Variants in VPS13B observed in about 807,000 individuals in gnomAD.
The protein encoded by VPS13B is vacuolar protein sorting 13 homolog B.
VPS13B carries 285 observed loss-of-function variants against 426.4 expected under a neutral mutation model. That is an observed-to-expected ratio of 0.67 (90% CI 0.61 to 0.74). VPS13B has a LOEUF of 0.74. Among genes scored for constraint, VPS13B ranks in the 30% least tolerant of loss-of-function variants. The probability of loss-of-function intolerance (pLI) is 0.00; values close to 1 mark genes in which losing one functional copy is unlikely to be tolerated. For synonymous variants in VPS13B, 1,676 were observed against 1,676.4 expected, an observed-to-expected ratio of 1.00 and a Z score of 0.01; for missense variants, 4,537 against 4,782.6, an observed-to-expected ratio of 0.95 and a Z score of 1.51.
At chr8:99,327,457 C>G (rs1384420612) in intron 19 of VPS13B, among the ~76,000 whole-genome samples, 2 of 152,080 alleles carry the variant, frequency 1.3e-5, no homozygotes, top group African/African-American at 4.8e-5. Flanking sequence ...AGAGCACAGT[C>G]AAGATTAATC....
At chr8:99,324,125 A>T (rs1473708400) in intron 19 of VPS13B, among the ~76,000 whole-genome samples, 1 of 152,186 alleles carries the variant, frequency 6.6e-6, no homozygotes, top group East Asian at 1.9e-4. Flanking sequence ...GCAGTAGGAG[A>T]TCGTTAAAAC....
At chr8:99,665,139 T>C (rs1257132734) in intron 35 of VPS13B, among the ~76,000 whole-genome samples, 1 of 152,240 alleles carries the variant, frequency 6.6e-6, no homozygotes, top group Non-Finnish European at 1.5e-5. Context: ...TCTGTTCATA[T>C]CCTTCGCCCA....
intron 33 of VPS13B, among the ~76,000 whole-genome samples, chr8:99,640,049 GAGAAAAGAAA>G (rs563436577): frequency 0.014 from 1,388 of 99,422 alleles, 17 homozygotes; most frequent in African/African-American, 0.021. Context: ...AGAAGAAGAA[GAGAAAAGAAA>G]AGAAAAGAAA....
intron 5 of VPS13B, among the ~76,000 whole-genome samples, chr8:99,108,455 A>G (rs891512881): frequency 6.6e-6 from 1 of 152,110 alleles, no homozygotes; most frequent in African/African-American, 2.4e-5. Flanking sequence ...ATTTTTTTAA[A>G]TAGTGAGAGA....
chr8:99,476,620 G>A (rs1302717216), intron 24 of VPS13B, among the ~76,000 whole-genome samples: 3 of 152,014 alleles, frequency 2.0e-5, no homozygotes, highest in Admixed American at 2.0e-4. Flanking sequence ...ACCAAGATTT[G>A]ATTAACAGCT....
At chr8:99,506,567 A>T (rs918608520) in intron 27 of VPS13B, among the ~76,000 whole-genome samples, 3 of 152,206 alleles carry the variant, frequency 2.0e-5, no homozygotes, top group Admixed American at 6.5e-5. Flanking sequence ...TGTAGTGTTT[A>T]AGAAAAATAG....
At chr8:99,459,181 A>G (rs878899814) in intron 23 of VPS13B, among the ~76,000 whole-genome samples, 2 of 152,142 alleles carry the variant, frequency 1.3e-5, no homozygotes, top group Non-Finnish European at 2.9e-5. Flanking sequence ...AGGCACTTGA[A>G]CGTGTATTCT....
intron 17 of VPS13B, among the ~76,000 whole-genome samples, chr8:99,227,757 A>G (rs758660361): frequency 6.6e-6 from 1 of 152,098 alleles, no homozygotes; most frequent in African/African-American, 2.4e-5. Flanking sequence ...TGGTTATACT[A>G]TTTCTTTGTA....
At position 99,736,396 on chromosome 8, in the gene VPS13B, A is replaced by C. The variant is rs537577006; in HGVS notation, c.7050+15349A>C. ...GAGACTAGCCTGGTCAACATGGTGA[A>C]ACCCCGTCTCTACTAAAAATATGAA... On this transcript the variant is annotated intron_variant, in intron 39 of 61. Transcript: ENST00000357162. Among the ~76,000 whole-genome samples the C allele has an allele frequency of 2.6e-5, 4 of 152,212 alleles. No individual in the cohort carries two copies. The East Asian group carries it at 7.7e-4, about 29-fold the overall frequency.
intron 31 of VPS13B, among the ~76,000 whole-genome samples, chr8:99,559,433 C>G (rs372671156): frequency 3.0e-4 from 46 of 152,076 alleles, no homozygotes; most frequent in South Asian, 1.5e-3. Flanking sequence ...TGTCTATTTT[C>G]GCTTTTGTTG....
chr8:99,041,369 C>T (rs957855728), intron 3 of VPS13B, among the ~76,000 whole-genome samples: 5 of 152,142 alleles, frequency 3.3e-5, no homozygotes, highest in African/African-American at 1.2e-4. Flanking sequence ...CATGTCCATG[C>T]TAATCTAATA....
intron 19 of VPS13B, among the ~76,000 whole-genome samples, chr8:99,322,730 T>G (rs1473071141): frequency 6.6e-6 from 1 of 152,240 alleles, no homozygotes; most frequent in Non-Finnish European, 1.5e-5. Flanking sequence ...CTTACCCTGT[T>G]CTGTTTTGTA....
intron 25 of VPS13B, among the ~76,000 whole-genome samples, chr8:99,500,037 G>T (rs1821143023): frequency 6.6e-6 from 1 of 152,132 alleles, no homozygotes; most frequent in Admixed American, 6.6e-5. Flanking sequence ...CATGTCTGTG[G>T]TAATGAGAGC....
intron 17 of VPS13B, among the ~76,000 whole-genome samples, chr8:99,237,338 A>G (rs1684049417): frequency 6.6e-6 from 1 of 152,198 alleles, no homozygotes; most frequent in Admixed American, 6.5e-5. Flanking sequence ...AAAAATGCAA[A>G]AACTACTATA....
At chr8:99,029,191 A>G (rs1842361843) in intron 2 of VPS13B, among the ~76,000 whole-genome samples, 2 of 149,220 alleles carry the variant, frequency 1.3e-5, no homozygotes, top group Admixed American at 1.3e-4. Flanking sequence ...GCGGCCGGGC[A>G]GAAACGCTCC....
At chr8:99,279,548 A>G (rs1819063985) in intron 19 of VPS13B, among the ~76,000 whole-genome samples, 1 of 152,046 alleles carries the variant, frequency 6.6e-6, no homozygotes, top group Non-Finnish European at 1.5e-5. Context: ...GGCATGAGCC[A>G]CTGTGCCCAG....
chr8:99,536,380 C>T (rs531373004), intron 30 of VPS13B, among the ~76,000 whole-genome samples: 5 of 152,276 alleles, frequency 3.3e-5, no homozygotes, highest in African/African-American at 1.2e-4. Flanking sequence ...AATTAAAAAT[C>T]CATATATGAA....
chr8:99,661,284 C>G (rs538900460), intron 34 of VPS13B, 70 bp from the exon 35 acceptor site: 3 of 1,587,892 alleles, frequency 1.9e-6, no homozygotes, highest in East Asian at 2.2e-5. Flanking sequence ...TTTATTAACT[C>G]AAACTCATAT....
intron 19 of VPS13B, among the ~76,000 whole-genome samples, chr8:99,306,419 C>T (rs1400897867): frequency 6.6e-6 from 1 of 151,852 alleles, no homozygotes; most frequent in Non-Finnish European, 1.5e-5. Flanking sequence ...GGAAGCTGGC[C>T]TTGGAAAATA....
Sources: allele counts gnomAD v4.1 joint callset (sites outside exome capture counted in the v4.1 genomes callset), GRCh38; gene constraint gnomAD v4.1.1; transcripts MANE v1.5; gene names NCBI Gene and HGNC (gene_info 2026-07-23, HGNC 2026-07-21).